The following MNAT1 variants were observed in gnomAD, a reference collection of about 807,000 sequenced individuals.
The protein encoded by MNAT1 is CDK-activating kinase assembly factor MAT1.
A neutral mutation model predicts 42.0 loss-of-function variants in MNAT1; 43 were observed. The ratio of observed to expected loss-of-function variants is 1.02; its 90% CI spans 0.80 to 1.32. The LOEUF is 1.32. MNAT1 is among the 40% of genes most tolerant of loss of function. The pLI is 0.00. For missense variants in MNAT1, 306 were observed against 350.4 expected (o/e 0.87, Z 1.01); for synonymous variants, 118 against 120.0 (o/e 0.98, Z 0.11).
intron 6 of MNAT1, among the ~76,000 whole-genome samples, chr14:60,863,202 A>G (rs969672042): frequency 5.9e-5 from 9 of 152,176 alleles, no homozygotes; most frequent in Admixed American, 5.2e-4. Context: ...GTAAGATCCC[A>G]GGACTCCAGC....
intron 6 of MNAT1, among the ~76,000 whole-genome samples, chr14:60,847,245 A>C (rs531231348): frequency 3.9e-4 from 60 of 152,096 alleles, no homozygotes; most frequent in Non-Finnish European, 6.6e-4. Flanking sequence ...TCTACTAAAA[A>C]TACAAAAAAT....
intron 7 of MNAT1, among the ~76,000 whole-genome samples, chr14:60,896,310 T>G (rs1251416592): frequency 6.6e-6 from 1 of 152,168 alleles, no homozygotes; most frequent in Non-Finnish European, 1.5e-5. Flanking sequence ...GTGGTTAGTT[T>G]AGGAAAGTCT....
intron 1 of MNAT1, among the ~76,000 whole-genome samples, chr14:60,747,195 AG>A (rs1216377974): frequency 6.6e-6 from 1 of 151,682 alleles, no homozygotes; most frequent in Non-Finnish European, 1.5e-5. Flanking sequence ...CATGTTAGCC[AG>A]GATGGTCTTG....
At position 60,847,399 on chromosome 14, in the gene MNAT1, G is replaced by A. The variant is rs1270730113; in HGVS notation, c.687+28552G>A. 2.2e-5 allele frequency among the ~76,000 whole-genome samples: 3 copies of A among 133,622 alleles called. No homozygotes were observed. In the East Asian group the frequency reaches 6.5e-4, roughly 29 times the overall value. 87.7% of individuals were successfully genotyped at this position (133,622 alleles called of 152,430 possible). ...GGCCTGGGTGAAAGAGTGAGACAAC[G>A]TCTCAAAAAAAAAAAAAAAAAGACT... On this transcript the variant is annotated intron_variant, in intron 6 of 7. Transcript: ENST00000261245.
intron 6 of MNAT1, among the ~76,000 whole-genome samples, chr14:60,829,137 C>T (rs1322925816): frequency 6.6e-6 from 1 of 152,130 alleles, no homozygotes; most frequent in Non-Finnish European, 1.5e-5. Context: ...GTTCCCAACA[C>T]ACTAATTACA....
At chr14:60,736,912 CA>C (rs977808250) in intron 1 of MNAT1, among the ~76,000 whole-genome samples, 1 of 151,994 alleles carries the variant, frequency 6.6e-6, no homozygotes, top group African/African-American at 2.4e-5. Flanking sequence ...GGGTGATAAG[CA>C]GAAATAAAAT....
chr14:60,738,417 G>A (rs1268880071), intron 1 of MNAT1, among the ~76,000 whole-genome samples: 7 of 151,554 alleles, frequency 4.6e-5, no homozygotes, highest in Admixed American at 6.6e-5. Context: ...CACCATGCCC[G>A]GCTAATTTTT....
At chr14:60,823,877 G>T (rs2032977336) in intron 6 of MNAT1, among the ~76,000 whole-genome samples, 1 of 151,700 alleles carries the variant, frequency 6.6e-6, no homozygotes, top group South Asian at 2.1e-4. Flanking sequence ...ACATAAACAA[G>T]GCTGGGCGCG....
intron 6 of MNAT1, among the ~76,000 whole-genome samples, chr14:60,877,805 A>G (rs922255875): frequency 1.3e-5 from 2 of 152,066 alleles, no homozygotes; most frequent in Non-Finnish European, 2.9e-5. Context: ...TTGCTCAAAT[A>G]TGATCTGTAG....
intron 1 of MNAT1, among the ~76,000 whole-genome samples, chr14:60,752,628 A>G (rs979035033): frequency 3.9e-5 from 6 of 152,132 alleles, no homozygotes; most frequent in Non-Finnish European, 8.8e-5. Flanking sequence ...GTGTGCCACT[A>G]TATTCCAGCC....
intron 6 of MNAT1, among the ~76,000 whole-genome samples, chr14:60,836,847 C>G (rs996263225): frequency 1.3e-5 from 2 of 152,182 alleles, no homozygotes; most frequent in Non-Finnish European, 2.9e-5. Flanking sequence ...ATAGACTCCC[C>G]TTCCCCAAGG....
At chr14:60,846,231 T>C (rs1239125010) in intron 6 of MNAT1, among the ~76,000 whole-genome samples, 2 of 152,110 alleles carry the variant, frequency 1.3e-5, no homozygotes, top group Non-Finnish European at 2.9e-5. Flanking sequence ...GGTCAGTTTC[T>C]TCTAAGTTGA....
chr14:60,899,534 C>T (rs1163082838), intron 7 of MNAT1, among the ~76,000 whole-genome samples: 1 of 152,044 alleles, frequency 6.6e-6, no homozygotes, highest in Non-Finnish European at 1.5e-5. Context: ...TGAATTAAGT[C>T]AGTTAATTAG....
intron 7 of MNAT1, among the ~76,000 whole-genome samples, chr14:60,913,027 T>G (rs1472934730): frequency 2.0e-5 from 3 of 152,206 alleles, no homozygotes; most frequent in African/African-American, 7.2e-5. Context: ...GTTTGTTTCT[T>G]TTTATTCTTT....
chr14:60,856,058 A>C (rs1411911130), intron 6 of MNAT1, among the ~76,000 whole-genome samples: 1 of 152,188 alleles, frequency 6.6e-6, no homozygotes, highest in African/African-American at 2.4e-5. Context: ...CATATGTCTG[A>C]CTTTAAATCA....
intron 1 of MNAT1, among the ~76,000 whole-genome samples, chr14:60,794,654 A>AT (rs1398398059): frequency 8.3e-4 from 78 of 94,486 alleles, no homozygotes; most frequent in African/African-American, 1.5e-3. Context: ...AAAAAAAAAA[A>AT]AAAAAAATAT....
rs533516946 is a variant in MNAT1, at chr14:60,866,751, G to T, written c.688-12963G>T. ...ATGCTTATTAAATATCCAGAGTTTA[G>T]TTGTAATTATATATTATTTGAGGAT... is the stretch of plus-strand genomic sequence containing the variant. On this transcript the variant is annotated intron_variant, in intron 6 of 7. Coordinates refer to ENST00000261245, the MANE Select transcript of MNAT1 (RefSeq NM_002431.4). Among the ~76,000 whole-genome samples, 10 of 152,104 alleles carry T rather than the reference G, an allele frequency of 6.6e-5. No homozygotes were observed. The South Asian group carries it at 2.1e-3, about 32-fold the overall frequency.
At chr14:60,760,211 G>A (rs1427041902) in intron 1 of MNAT1, among the ~76,000 whole-genome samples, 1 of 151,916 alleles carries the variant, frequency 6.6e-6, no homozygotes, top group East Asian at 1.9e-4. Flanking sequence ...TCAGTTAGTG[G>A]TAGATTTTGA....
chr14:60,739,776 A>G (rs1386470656), intron 1 of MNAT1, among the ~76,000 whole-genome samples: 4 of 152,196 alleles, frequency 2.6e-5, no homozygotes, highest in Admixed American at 2.6e-4. Context: ...CACCTATTTC[A>G]AGAAATGGGC....
Sources: allele counts gnomAD v4.1 joint callset (sites outside exome capture counted in the v4.1 genomes callset), GRCh38; gene constraint gnomAD v4.1.1; transcripts MANE v1.5; gene names NCBI Gene and HGNC (gene_info 2026-07-23, HGNC 2026-07-21).